The following KLRC2 variants were observed in gnomAD, a reference collection of about 807,000 sequenced individuals.
KLRC2 encodes the protein NKG2-C type II integral membrane protein.
Under a neutral mutation model 25.5 loss-of-function variants are expected in KLRC2, and 10 were observed. The observed-to-expected ratio is 0.39, with a 90% CI of 0.24 to 0.67. The LOEUF (loss-of-function observed/expected upper bound fraction) is 0.67. Ranked by LOEUF, KLRC2 falls within the 30% of genes least tolerant of loss-of-function variation. The pLI, the probability that KLRC2 is intolerant of heterozygous loss-of-function variation, is 0.45. For missense variants in KLRC2, 170 were observed against 272.8 expected (o/e 0.62, Z 2.65); for synonymous variants, 48 against 93.3 (o/e 0.51, Z 2.80).
rs1479459470 is a variant in KLRC2, at chr12:10,430,829, C to T, written c.*288G>A. On this transcript the variant is annotated 3_prime_UTR_variant, in exon 6 of 6. Transcript: ENST00000381902. ...TGGCAACCACTATTCTACTTTCTGT[C>T]TCCATGGGTTTGACTGTTCTTGGTA... 7 of 415,630 alleles carry T rather than the reference C, an allele frequency of 1.7e-5. 1 individual carries two copies. The highest frequency in any genetic ancestry group is 1.7e-4 in the African/African-American group (7 of 41,702). The allele number at this position is 415,630 out of a possible 1,614,324, so 25.7% of individuals were successfully genotyped here.
At chr12:10,431,987 T>C (rs1389911912) in intron 5 of KLRC2, 119 bp downstream of exon 5, 5 of 904,400 alleles carry the variant, frequency 5.5e-6, no homozygotes, top group Non-Finnish European at 8.0e-6. Context: ...ATATCAACAT[T>C]TCACTAACTT....
chr12:10,430,751 A>C lies in KLRC2; in HGVS notation c.*366T>G, dbSNP rs1863802024. The stretch of plus-strand genomic sequence containing the variant: ...TTAGAAAGTTTTCATCACGACACAA[A>C]GAAACGTTCTATCAATTAGTGGTCA... On this transcript the variant is annotated 3_prime_UTR_variant, in exon 6 of 6. Coordinates refer to ENST00000381902, the MANE Select transcript of KLRC2 (RefSeq NM_002260.4). 2 of 175,866 alleles carry C rather than the reference A, an allele frequency of 1.1e-5. No individual in the cohort carries two copies. Among genetic ancestry groups the C allele is most frequent in the Non-Finnish European group, 2.3e-5 (2 of 87,694 alleles). The allele number at this position is 175,866 out of a possible 1,614,324, so 10.9% of individuals were successfully genotyped here. A position where few individuals can be genotyped will look rare whatever the true frequency, so the allele number is the denominator to read the frequency against.
rs1453300767 is a variant in KLRC2, at chr12:10,431,882, G to A, written c.584+224C>T. 1.3e-4 allele frequency among the ~76,000 whole-genome samples: 18 copies of A among 140,302 alleles called. 1 individual carries two copies. Among genetic ancestry groups the A allele is most frequent in the Non-Finnish European group, 1.6e-4 (10 of 64,418 alleles). The allele number at this position is 140,302 out of a possible 152,430, so 92.0% of individuals were successfully genotyped here. A position where few individuals can be genotyped will look rare whatever the true frequency, so the allele number is the denominator to read the frequency against. On this transcript the variant is annotated intron_variant, in intron 5 of 5. Transcript: ENST00000381902. Reference sequence around the variant, plus strand: ...ACGTGGCCCACAGAAGCCAAAGATGGGACACCCCTGGTCCATCTGATAACC... The same window carrying A: ...ACGTGGCCCACAGAAGCCAAAGATGAGACACCCCTGGTCCATCTGATAACC...
rs750916853 is a variant in KLRC2 at position 10,431,157 on chromosome 12, C to T, written c.656G>A (p.Cys219Tyr). The change falls in exon 6 of 6, where the codon TGT becomes TAT. Residue 219 changes from cysteine (C) to tyrosine (Y), a missense_variant. Coordinates refer to ENST00000381902, the MANE Select transcript of KLRC2 (RefSeq NM_002260.4). The part of the protein sequence containing the change: ...LQVNRLKSAQ[C>Y]GSSMIYHCKH... ...ACAATGATATATCATTGAAGATCCACACTGGGCTGATTTAAGTCGATTTAC... is the reference window on the plus strand; with the variant it reads ...ACAATGATATATCATTGAAGATCCATACTGGGCTGATTTAAGTCGATTTAC... 2.0e-5 allele frequency: 31 copies of T among 1,547,480 alleles called. 5 individuals carry two copies. In the South Asian group the frequency reaches 3.5e-4, roughly 17 times the overall value.
At position 10,433,895 on chromosome 12, in the gene KLRC2, T is replaced by G; in HGVS notation, c.379A>C (p.Ser127Arg). 6.4e-7 allele frequency: 1 copy of G among 1,550,828 alleles called. No individual in the cohort carries two copies. The highest frequency in any genetic ancestry group is 8.8e-7 in the Non-Finnish European group (1 of 1,136,320). ...CTTTCCTTACCAATGTAATAACAAC[T>G]GTTGGAATATGTAATCCACTCCTCA... is the stretch of plus-strand genomic sequence containing the variant. ...CPEEWITYSN[S>R]CYYIGKERRT... The change falls in exon 4 of 6, where the codon AGT (serine) becomes CGT (arginine). Residue 127 changes from serine to arginine, a missense_variant. Physicochemically the swap from Ser to Arg is moderately radical, Grantham distance 110. This residue lies in a region of KLRC2 where 129 missense variants were observed against 150.2 expected (regional missense o/e 0.86). Transcript: ENST00000381902.
chr12:10,432,005 C>A, intron 5 of KLRC2, 101 bp downstream of exon 5: 1 of 1,017,560 alleles, frequency 9.8e-7, no homozygotes. Flanking sequence ...CTTTCCACAT[C>A]TTTCTTCATG....
rs61917675 is a variant in KLRC2, at chr12:10,432,018, A to T, written c.584+88T>A. ...AACTTTCCACATCTTTCTTCATGTC[A>T]ATGATTCCACATAAATTTATTCATA... On this transcript the variant is annotated intron_variant, in intron 5 of 5. Transcript: ENST00000381902. 83 of 1,084,778 alleles carry T rather than the reference A, an allele frequency of 7.7e-5. 12 individuals are homozygous for T. The African/African-American group carries it at 9.7e-4, about 13-fold the overall frequency. 67.2% of individuals were successfully genotyped at this position (1,084,778 alleles called of 1,614,324 possible). A position where few individuals can be genotyped will look rare whatever the true frequency, so the allele number is the denominator to read the frequency against.
Position 10,434,035 on chromosome 12 carries a change from T to G in KLRC2, c.332-93A>C, listed in dbSNP as rs566382103. The G allele has an allele frequency of 5.4e-5, 78 of 1,450,114 alleles. 17 individuals are homozygous for G. Among genetic ancestry groups the G allele is most frequent in the Non-Finnish European group, 7.4e-6 (8 of 1,075,548 alleles). 89.8% of individuals were successfully genotyped at this position (1,450,114 alleles called of 1,614,324 possible). A position where few individuals can be genotyped will look rare whatever the true frequency, so the allele number is the denominator to read the frequency against. On this transcript the variant is annotated intron_variant, in intron 3 of 5. Coordinates refer to ENST00000381902, the MANE Select transcript of KLRC2 (RefSeq NM_002260.4). ...TTCAACAGTATAAACATATATGTGCTTAACATATTTACGCATCCTTACAGG... is the reference window on the plus strand; with the variant it reads ...TTCAACAGTATAAACATATATGTGCGTAACATATTTACGCATCCTTACAGG...
chr12:10,431,008 G>A lies in KLRC2; in HGVS notation c.*109C>T. The A allele has an allele frequency of 8.7e-7, 1 of 1,155,884 alleles. No homozygotes were observed. Among genetic ancestry groups the A allele is most frequent in the South Asian group, 1.7e-5 (1 of 59,448 alleles). 71.6% of individuals were successfully genotyped at this position (1,155,884 alleles called of 1,614,324 possible). A position where few individuals can be genotyped will look rare whatever the true frequency, so the allele number is the denominator to read the frequency against. On this transcript the variant is annotated 3_prime_UTR_variant, in exon 6 of 6. Coordinates refer to ENST00000381902, the MANE Select transcript of KLRC2 (RefSeq NM_002260.4). ...TTTCAATAATTGATTTAGAATTTTTGTATCAGAGCAAATAACATAATTCAT... is the reference window on the plus strand; with the variant it reads ...TTTCAATAATTGATTTAGAATTTTTATATCAGAGCAAATAACATAATTCAT...
chr12:10,431,268 C>T (rs1258208150), intron 5 of KLRC2, 40 bp from the exon 6 acceptor site: 2 of 1,511,848 alleles, frequency 1.3e-6, no homozygotes, highest in Non-Finnish European at 1.8e-6. Context: ...ACATTTTAAG[C>T]AAATGATTCA....
At chr12:10,432,307 T>G in intron 4 of KLRC2, 101 bp from the exon 5 acceptor site, 2 of 709,710 alleles carry the variant, frequency 2.8e-6, no homozygotes, top group Non-Finnish European at 4.2e-6. Context: ...GCCAAAAACT[T>G]TCATAAATGT....
intron 2 of KLRC2, among the ~76,000 whole-genome samples, chr12:10,434,742 T>C (rs1343305723): frequency 1.3e-5 from 2 of 151,944 alleles, no homozygotes; most frequent in African/African-American, 4.8e-5. Flanking sequence ...TCTCTTGTAG[T>C]ATTTGATGTA....
In KLRC2 at chr12:10,434,169, A is replaced by C. The variant is rs1863844549; in HGVS notation, c.332-227T>G. ...CCCATATAAAGCAAATGAACAAACA[A>C]AAATACACTCTACACATGTGTTGAA... is the stretch of plus-strand genomic sequence containing the variant. On this transcript the variant is annotated intron_variant, in intron 3 of 5. Transcript: ENST00000381902. The C allele has an allele frequency of 4.0e-6, 3 of 742,210 alleles. 1 individual carries two copies. Among genetic ancestry groups the C allele is most frequent in the East Asian group, 6.7e-5 (2 of 29,688 alleles). 46.0% of individuals were successfully genotyped at this position (742,210 alleles called of 1,614,324 possible). A position where few individuals can be genotyped will look rare whatever the true frequency, so the allele number is the denominator to read the frequency against.
Position 10,433,833 on chromosome 12 carries a change from C to G in KLRC2, c.441G>C (p.Ser147=). ...CTATAGAAAGCAGACTGGAGTTCTT[C>G]GAAGTACAGGCCAGCAAACTCTCTT... ...TWEESLLACT[S]KNSSLLSIDN... is the part of the protein sequence containing the mutation. Residue 147 remains serine, a synonymous_variant, in exon 4 of 6, where the codon TCG becomes TCC. Transcript: ENST00000381902. 1 of 1,550,306 alleles carries G rather than the reference C, an allele frequency of 6.5e-7. No homozygotes were observed. Among genetic ancestry groups the G allele is most frequent in the Non-Finnish European group, 8.8e-7 (1 of 1,136,154 alleles).
chr12:10,431,887 C>T (rs554342517), intron 5 of KLRC2, among the ~76,000 whole-genome samples: 1 of 140,376 alleles, frequency 7.1e-6, no homozygotes, highest in Non-Finnish European at 1.5e-5. Flanking sequence ...AGATGGGACA[C>T]CCCTGGTCCA....
chr12:10,431,483 T>A (rs1356535915), intron 5 of KLRC2, among the ~76,000 whole-genome samples: 1 of 142,212 alleles, frequency 7.0e-6, no homozygotes, highest in African/African-American at 2.7e-5. Context: ...ATGTTTTCTC[T>A]ACACATTCAT....
rs1360638515 is a variant in KLRC2 at position 10,434,139 on chromosome 12, G to T, written c.332-197C>A. On this transcript the variant is annotated intron_variant, in intron 3 of 5. Coordinates refer to ENST00000381902, the MANE Select transcript of KLRC2 (RefSeq NM_002260.4). ...AAGGGTTAGCCTCTCCTCCCTAATT[G>T]TGTTCCCATATAAAGCAAATGAACA... 8.6e-6 allele frequency: 8 copies of T among 935,258 alleles called. 3 individuals carry two copies. The Admixed American group carries it at 1.6e-4, about 19-fold the overall frequency. The allele number at this position is 935,258 out of a possible 1,614,324, so 57.9% of individuals were successfully genotyped here. A position where few individuals can be genotyped will look rare whatever the true frequency, so the allele number is the denominator to read the frequency against.
In KLRC2 at chr12:10,430,733, GT is replaced by G. The variant is rs1002336991; in HGVS notation, c.*383del. The G allele has an allele frequency of 6.1e-6, 1 of 164,258 alleles. No homozygotes were observed. The highest frequency in any genetic ancestry group is 2.7e-5 in the African/African-American group (1 of 37,028). The allele number at this position is 164,258 out of a possible 1,614,324, so 10.2% of individuals were successfully genotyped here. A position where few individuals can be genotyped will look rare whatever the true frequency, so the allele number is the denominator to read the frequency against. ...CATCACCACTACTGAAATTTAGAAA[GT>G]TTTCATCACGACACAAAGAAACGTT... On this transcript the variant is annotated 3_prime_UTR_variant, in exon 6 of 6. Transcript: ENST00000381902.
chr12:10,432,962 C>A (rs1304900960), intron 4 of KLRC2, among the ~76,000 whole-genome samples: 1 of 139,702 alleles, frequency 7.2e-6, no homozygotes, highest in Non-Finnish European at 1.6e-5. Flanking sequence ...CTCCACAATA[C>A]CAGGCAAGGC....
Sources: gnomAD v4.1 joint callset for allele counts (sites outside exome capture counted in the v4.1 genomes callset) on GRCh38, gnomAD v4.1.1 for gene constraint, gnomAD v4.1.1 regional missense constraint, MANE v1.5 for transcripts, NCBI Gene and HGNC (gene_info 2026-07-23, HGNC 2026-07-21) for gene names.